ITPR2: variants seen among roughly 807,000 people sequenced by gnomAD.
ITPR2 encodes the protein inositol 1,4,5-trisphosphate receptor type 2.
A neutral mutation model predicts 317.1 loss-of-function variants in ITPR2; 207 were observed. The ratio of observed to expected loss-of-function variants is 0.65; its 90% CI spans 0.58 to 0.73. The LOEUF is 0.73. Ranked by LOEUF, ITPR2 falls within the 30% of genes least tolerant of loss-of-function variation. ITPR2 has a pLI of 0.00. For missense variants in ITPR2, 2,613 were observed against 3,284.0 expected (o/e 0.80, Z 4.99); for synonymous variants, 1,156 against 1,149.1 (o/e 1.01, Z -0.12).
chr12:26,484,090 C>T (rs955668285), intron 41 of ITPR2, among the ~76,000 whole-genome samples, 192 bp from the exon 42 acceptor site: 27 of 150,744 alleles, frequency 1.8e-4, no homozygotes, highest in African/African-American at 6.1e-4. Context: ...TATATATATA[C>T]ACACACACAT....
intron 37 of ITPR2, among the ~76,000 whole-genome samples, chr12:26,546,373 C>G (rs1944390578): frequency 6.6e-6 from 1 of 152,180 alleles, no homozygotes; most frequent in South Asian, 2.1e-4. Context: ...TCTCTGTTAC[C>G]TATCTTTCCA....
rs138683592 is a variant in ITPR2, at chr12:26,742,268, T to G, written c.164-16503A>C. Among the ~76,000 whole-genome samples, 10 of 152,310 alleles carry G rather than the reference T, an allele frequency of 6.6e-5. No individual in the cohort carries two copies. The East Asian group carries it at 1.9e-3, about 29-fold the overall frequency. ...TAGTGGTATGGTCACAGAATGGAAT[T>G]GTAAAAAGTAACAAGAAAGAATGAA... On this transcript the variant is annotated intron_variant, in intron 2 of 56. Transcript: ENST00000381340.
Position 26,483,793 on chromosome 12 carries a change from A to G in ITPR2, c.5917T>C (p.Leu1973=), listed in dbSNP as rs1591820239. The part of the protein sequence containing the change: ...CGSTTGGLGL[L]GLYINEKNVA... ...TTCTTCTCATTGATGTAGAGACCCA[A>G]CAGGCCCAGGCCACCGGTTGTACTT... The change falls in exon 42 of 57, where the codon TTG becomes CTG. Residue 1973 remains leucine, a synonymous_variant. Coordinates refer to ENST00000381340, the MANE Select transcript of ITPR2 (RefSeq NM_002223.4). 1.2e-6 allele frequency: 2 copies of G among 1,614,176 alleles called. No homozygotes were observed. Among genetic ancestry groups the G allele is most frequent in the East Asian group, 4.5e-5 (2 of 44,884 alleles).
intron 45 of ITPR2, among the ~76,000 whole-genome samples, chr12:26,446,554 T>C (rs1325361235): frequency 2.0e-5 from 3 of 152,108 alleles, no homozygotes; most frequent in Non-Finnish European, 2.9e-5. Context: ...ACCAATAATG[T>C]TATTTAATGT....
intron 2 of ITPR2, among the ~76,000 whole-genome samples, chr12:26,749,003 G>A (rs892219844): frequency 5.3e-5 from 8 of 152,186 alleles, no homozygotes; most frequent in African/African-American, 1.2e-4. Context: ...TACCTTTTAT[G>A]TATGTGTTAA....
At chr12:26,467,680 G>A (rs930182337) in intron 45 of ITPR2, among the ~76,000 whole-genome samples, 1 of 152,018 alleles carries the variant, frequency 6.6e-6, no homozygotes, top group Non-Finnish European at 1.5e-5. Context: ...TAACAAACAT[G>A]GGATGTTAAG....
intron 32 of ITPR2, among the ~76,000 whole-genome samples, chr12:26,585,827 CTCA>C (rs1488410934): frequency 1.3e-5 from 2 of 152,186 alleles, no homozygotes. Context: ...AAATTATACT[CTCA>C]TCAGCAGGAT....
At chr12:26,438,354 T>A (rs1169664331) in intron 47 of ITPR2, among the ~76,000 whole-genome samples, 1 of 152,088 alleles carries the variant, frequency 6.6e-6, no homozygotes, top group Non-Finnish European at 1.5e-5. Flanking sequence ...AAAACTACCA[T>A]AATGAAATAC....
In ITPR2 at chr12:26,656,448, C is replaced by A; in HGVS notation, c.2293G>T (p.Val765Leu). Residue 765 changes from valine (V) to leucine (L), a missense_variant, in exon 19 of 57, where the codon GTG becomes TTG. Val to Leu is a conservative substitution (Grantham distance 32). This residue lies in a region of ITPR2 where 817 missense variants were observed against 897.6 expected (regional missense o/e 0.91). Coordinates refer to ENST00000381340, the MANE Select transcript of ITPR2 (RefSeq NM_002223.4). ...TCGAACGGCAGGCTCTCATCCGACACACACCGCAGGATCAGGTCTACAGAC... is the reference window on the plus strand; with the variant it reads ...TCGAACGGCAGGCTCTCATCCGACAAACACCGCAGGATCAGGTCTACAGAC... Reference protein sequence around the residue: ...QLSVDLILRCVSDESLPFDLR... With the variant: ...QLSVDLILRCLSDESLPFDLR... 1.2e-6 allele frequency: 2 copies of A among 1,614,244 alleles called. No homozygotes were observed. Among genetic ancestry groups the A allele is most frequent in the Non-Finnish European group, 1.7e-6 (2 of 1,180,034 alleles).
chr12:26,446,223 T>G (rs1281660155), intron 45 of ITPR2, among the ~76,000 whole-genome samples: 1 of 152,106 alleles, frequency 6.6e-6, no homozygotes, highest in Non-Finnish European at 1.5e-5. Flanking sequence ...CCAGGAAGCC[T>G]TAAGGGTCTC....
At chr12:26,506,439 T>C (rs1943185645) in intron 37 of ITPR2, among the ~76,000 whole-genome samples, 1 of 142,842 alleles carries the variant, frequency 7.0e-6, no homozygotes, top group African/African-American at 2.6e-5. Flanking sequence ...GCCTGGGAAA[T>C]CAAGGCTGCA....
intron 49 of ITPR2, among the ~76,000 whole-genome samples, chr12:26,425,879 G>A (rs1941045041): frequency 6.6e-6 from 1 of 152,168 alleles, no homozygotes; most frequent in African/African-American, 2.4e-5. Flanking sequence ...ATTTGCTATA[G>A]TGGAATTATT....
rs1225012569 is a variant in ITPR2, at chr12:26,674,801, A to G, written c.1409+7073T>C. On this transcript the variant is annotated intron_variant, in intron 13 of 56. Coordinates refer to ENST00000381340, the MANE Select transcript of ITPR2 (RefSeq NM_002223.4). ...AAAATTTTCGCAACCTACTCATCTG[A>G]CAAAGGGCTAATATCCAGAATCTAC... is the stretch of plus-strand genomic sequence containing the variant. Among the ~76,000 whole-genome samples, 9 of 152,274 alleles carry G rather than the reference A, an allele frequency of 5.9e-5. No homozygotes were observed. In the South Asian group the frequency reaches 1.7e-3, roughly 28 times the overall value.
At chr12:26,765,683 T>A (rs1231132982) in intron 2 of ITPR2, among the ~76,000 whole-genome samples, 3 of 152,148 alleles carry the variant, frequency 2.0e-5, no homozygotes, top group Non-Finnish European at 4.4e-5. Context: ...TTATTTAAAG[T>A]GTGTAATTTC....
intron 2 of ITPR2, among the ~76,000 whole-genome samples, chr12:26,745,443 T>C (rs944799568): frequency 2.6e-5 from 4 of 152,244 alleles, no homozygotes; most frequent in African/African-American, 9.6e-5. Flanking sequence ...GATTACAGGA[T>C]TATTTTTCTA....
At chr12:26,580,623 G>A (rs1945381855) in intron 32 of ITPR2, among the ~76,000 whole-genome samples, 1 of 152,180 alleles carries the variant, frequency 6.6e-6, no homozygotes, top group African/African-American at 2.4e-5. Context: ...AAAGCATCTG[G>A]AGAGGAAAAC....
chr12:26,823,369 G>C (rs554824862), intron 1 of ITPR2, among the ~76,000 whole-genome samples: 1 of 152,264 alleles, frequency 6.6e-6, no homozygotes, highest in African/African-American at 2.4e-5. Flanking sequence ...AGCAAAAAAA[G>C]TGTCAAATGC....
rs1284544859 is a variant in ITPR2 at position 26,655,960 on chromosome 12, C to T, written c.2445-108G>A. ...GCATAATCTTGGATAAATTAGTTAG[C>T]TTTCCTAGAGGCTGGGTCCTCATCT... On this transcript the variant is annotated intron_variant, in intron 19 of 56. Transcript: ENST00000381340. 3.6e-6 allele frequency: 4 copies of T among 1,119,232 alleles called. No individual in the cohort carries two copies. The South Asian group carries it at 4.5e-5, about 13-fold the overall frequency. The allele number at this position is 1,119,232 out of a possible 1,614,324, so 69.3% of individuals were successfully genotyped here. A position where few individuals can be genotyped will look rare whatever the true frequency, so the allele number is the denominator to read the frequency against.
At chr12:26,630,459 A>T (rs924089079) in intron 22 of ITPR2, 1 of 151,900 alleles carries the variant, frequency 6.6e-6, no homozygotes, top group Admixed American at 6.6e-5. Context: ...AAAAAAAAAG[A>T]AGACCCAGGG....
Sources: gnomAD v4.1 joint callset for allele counts (sites outside exome capture counted in the v4.1 genomes callset) on GRCh38, gnomAD v4.1.1 for gene constraint, gnomAD v4.1.1 regional missense constraint, MANE v1.5 for transcripts, NCBI Gene and HGNC (gene_info 2026-07-23, HGNC 2026-07-21) for gene names.